SLC16A1: variants seen among roughly 807,000 people sequenced by gnomAD.
SLC16A1 encodes the protein monocarboxylate transporter 1.
Under a neutral mutation model 32.2 loss-of-function variants are expected in SLC16A1, and 11 were observed. That is an observed-to-expected ratio of 0.34 (90% CI 0.21 to 0.56). SLC16A1 has a LOEUF of 0.56. Among genes scored for constraint, SLC16A1 ranks in the 20% least tolerant of loss-of-function variants. SLC16A1 has a pLI of 0.87. For missense variants in SLC16A1, 435 were observed against 615.0 expected (o/e 0.71, Z 3.10); for synonymous variants, 231 against 226.8 (o/e 1.02, Z -0.17).
At chr1:112,931,677 A>C (rs1158963383) in intron 1 of SLC16A1, among the ~76,000 whole-genome samples, 6 of 150,626 alleles carry the variant, frequency 4.0e-5, no homozygotes, top group Non-Finnish European at 7.4e-5. Flanking sequence ...AAGTAGTTTT[A>C]AATCAAAGAT....
At chr1:112,924,455 C>T (rs1648862709) in intron 2 of SLC16A1, 2 of 807,918 alleles carry the variant, frequency 2.5e-6, no homozygotes, top group Non-Finnish European at 2.1e-6. Flanking sequence ...AGTATTTGGA[C>T]AAAAACCTAA....
intron 1 of SLC16A1, among the ~76,000 whole-genome samples, chr1:112,952,105 T>A (rs529710533): frequency 2.0e-5 from 3 of 152,270 alleles, no homozygotes; most frequent in South Asian, 2.1e-4. Flanking sequence ...TGAACTAAAT[T>A]TGTTCAGTCT....
Position 112,921,998 on chromosome 1 carries a change from A to C in SLC16A1, c.353T>G (p.Val118Gly), listed in dbSNP as rs1648752599. ...AATCAGTAGTAACTCACCTCCAATGACTCCAATACAGACGTATAGTTGCTG... is the reference window on the plus strand; with the variant it reads ...AATCAGTAGTAACTCACCTCCAATGCCTCCAATACAGACGTATAGTTGCTG... ...TVQQLYVCIG[V>G]IGGLGLAFNL... The change falls in exon 3 of 5, where the codon GTC (valine) becomes GGC (glycine). Residue 118 changes from valine to glycine, a missense_variant. By Grantham distance (109) the Val-to-Gly change is moderately radical. This residue lies in a region of SLC16A1 where 324 missense variants were observed against 500.3 expected (regional missense o/e 0.65). Transcript: ENST00000369626. The C allele has an allele frequency of 6.2e-7, 1 of 1,614,016 alleles. No homozygotes were observed. Among genetic ancestry groups the C allele is most frequent in the Non-Finnish European group, 8.5e-7 (1 of 1,180,030 alleles).
intron 1 of SLC16A1, among the ~76,000 whole-genome samples, chr1:112,951,619 C>T (rs1649900811): frequency 1.3e-5 from 2 of 152,080 alleles, no homozygotes; most frequent in African/African-American, 2.4e-5. Flanking sequence ...CAGCAAAGTC[C>T]TCCAAGAAAG....
chr1:112,953,104 T>A (rs1649955180), intron 1 of SLC16A1, among the ~76,000 whole-genome samples: 2 of 151,444 alleles, frequency 1.3e-5, no homozygotes, highest in African/African-American at 4.9e-5. Context: ...AAAGTGATGT[T>A]CCTAAAACAC....
intron 3 of SLC16A1, among the ~76,000 whole-genome samples, chr1:112,919,011 T>TTTATTTATTTA (rs374042504): frequency 1.4e-5 from 2 of 144,292 alleles, no homozygotes; most frequent in African/African-American, 2.6e-5. Context: ...TACTAATTTA[T>TTTATTTATTTA]TTTATTTATT....
chr1:112,945,923 G>A (rs762662889), intron 1 of SLC16A1, among the ~76,000 whole-genome samples: 3 of 152,030 alleles, frequency 2.0e-5, no homozygotes, highest in East Asian at 1.9e-4. Flanking sequence ...ACCCAGAGGC[G>A]GAGATTGAGG....
At chr1:112,940,965 A>G (rs950524730) in intron 1 of SLC16A1, among the ~76,000 whole-genome samples, 11 of 152,302 alleles carry the variant, frequency 7.2e-5, no homozygotes, top group African/African-American at 1.4e-4. Flanking sequence ...TTTCTCACTT[A>G]TAAGTGTGAG....
In SLC16A1 at chr1:112,917,542, C is replaced by T. The variant is rs2101621468; in HGVS notation, c.864G>A (p.Gly288=). 6.2e-7 allele frequency: 1 copy of T among 1,614,132 alleles called. No homozygotes were observed. The highest frequency in any genetic ancestry group is 1.1e-5 in the South Asian group (1 of 91,070). Residue 288 remains glycine (G), a synonymous_variant, in exon 4 of 5, where the codon GGG becomes GGA. Transcript: ENST00000369626. The surrounding 1 kb of genome is among the most constrained non-coding windows in gnomAD (Gnocchi z 4.1). ...TCTCACTAGAATAATGCTGACTCTT[C>T]CCATAACTACTAAGAAACACCAAAG... is the stretch of plus-strand genomic sequence containing the variant. ...FAPLVFLSSY[G]KSQHYSSEKS...
At chr1:112,954,598 ATTACAGTCTATCCCG>A in intron 1 of SLC16A1, among the ~76,000 whole-genome samples, 1 of 152,324 alleles carries the variant, frequency 6.6e-6, no homozygotes, top group Middle Eastern at 3.4e-3. Context: ...GTTTAAGGAC[ATTACAGTCTATCCCG>A]TTAAGCTTAC....
At chr1:112,943,029 T>C (rs1649563522) in intron 1 of SLC16A1, among the ~76,000 whole-genome samples, 1 of 152,228 alleles carries the variant, frequency 6.6e-6, no homozygotes, top group Admixed American at 6.5e-5. Context: ...AATCTGAATC[T>C]AGTAGCAAAC....
chr1:112,918,101 T>TA (rs1553207918), intron 3 of SLC16A1, 57 bp from the exon 4 acceptor site: 2 of 804,768 alleles, frequency 2.5e-6, no homozygotes, highest in Non-Finnish European at 3.2e-6. Flanking sequence ...AATAAATAAA[T>TA]AATAAGAGGT....
In SLC16A1 at chr1:112,929,268, G is replaced by C. The variant is rs763038298; in HGVS notation, c.41C>G (p.Pro14Arg). ...CACTGCCCAGCCCCAGCCTCCATCT[G>C]GGGGGGTGTATCCAACTGGACCTCC... ...AVGGPVGYTPPDGGWGWAVVI... is the reference protein window; with the variant it reads ...AVGGPVGYTPRDGGWGWAVVI... Residue 14 changes from proline to arginine, a missense_variant, in exon 2 of 5, where the codon CCA (proline) becomes CGA (arginine). Pro to Arg is a moderately radical substitution (Grantham distance 103, BLOSUM62 -2). Coordinates refer to ENST00000369626, the MANE Select transcript of SLC16A1 (RefSeq NM_003051.4). 5.6e-6 allele frequency: 9 copies of C among 1,613,422 alleles called. No homozygotes were observed. The highest frequency in any genetic ancestry group is 2.2e-5 in the South Asian group (2 of 91,056).
intron 1 of SLC16A1, among the ~76,000 whole-genome samples, chr1:112,934,361 T>G (rs2101638563): frequency 6.6e-6 from 1 of 152,278 alleles, no homozygotes; most frequent in South Asian, 2.1e-4. Context: ...GCATTTTAGA[T>G]AAGGGATAGA....
In SLC16A1 at chr1:112,917,038, T is replaced by A; in HGVS notation, c.1228+140A>T. The A allele has an allele frequency of 9.3e-7, 1 of 1,076,972 alleles. No individual in the cohort carries two copies. Among genetic ancestry groups the A allele is most frequent in the Non-Finnish European group, 1.4e-6 (1 of 724,014 alleles). 66.7% of individuals were successfully genotyped at this position (1,076,972 alleles called of 1,614,324 possible). A position where few individuals can be genotyped will look rare whatever the true frequency, so the allele number is the denominator to read the frequency against. On this transcript the variant is annotated intron_variant, in intron 4 of 4. Transcript: ENST00000369626. The surrounding 1 kb of genome is among the most constrained non-coding windows in gnomAD (Gnocchi z 4.1). Reference sequence around the variant, plus strand: ...TTGAGCAATTATGCTGTGCCAAGCATTGTCCCAGCATCAAGGGTACATAAA... The same window carrying A: ...TTGAGCAATTATGCTGTGCCAAGCAATGTCCCAGCATCAAGGGTACATAAA...
intron 1 of SLC16A1, among the ~76,000 whole-genome samples, chr1:112,943,218 T>C (rs140790552): frequency 9.8e-4 from 149 of 152,292 alleles, no homozygotes; most frequent in African/African-American, 3.4e-3. Context: ...TAGTGACCCA[T>C]TCATTTTAAA....
intron 2 of SLC16A1, among the ~76,000 whole-genome samples, chr1:112,925,611 T>G (rs577249995): frequency 3.9e-5 from 6 of 152,052 alleles, no homozygotes; most frequent in African/African-American, 1.2e-4. Flanking sequence ...AATCCCGGAC[T>G]CAAGTGATCC....
At chr1:112,928,744 C>G (rs1249084505) in intron 2 of SLC16A1, among the ~76,000 whole-genome samples, 1 of 152,032 alleles carries the variant, frequency 6.6e-6, no homozygotes, top group Non-Finnish European at 1.5e-5. Context: ...TTTTAAAAAT[C>G]TATATTTATG....
At chr1:112,948,739 G>C (rs11102568) in intron 1 of SLC16A1, among the ~76,000 whole-genome samples, 48,836 of 151,948 alleles carry the variant, frequency 0.32, 8,370 homozygotes, top group East Asian at 0.64. Context: ...CTGACCTCAG[G>C]TGTTCTGCCT....
Sources: gnomAD v4.1 joint callset for allele counts (sites outside exome capture counted in the v4.1 genomes callset) on GRCh38, gnomAD v4.1.1 for gene constraint, gnomAD v4.1.1 regional missense constraint, Gnocchi (gnomAD v3.1) non-coding constraint, MANE v1.5 for transcripts, NCBI Gene and HGNC (gene_info 2026-07-23, HGNC 2026-07-21) for gene names.